Variants in PTPN11 observed in about 807,000 individuals in gnomAD.
PTPN11 encodes the protein protein tyrosine phosphatase non-receptor type 11, also known as tyrosine-protein phosphatase non-receptor type 11.
A neutral mutation model predicts 78.8 loss-of-function variants in PTPN11; 6 were observed. That is an observed-to-expected ratio of 0.08 (90% CI 0.04 to 0.15). PTPN11 has a LOEUF of 0.15. Ranked by LOEUF, PTPN11 falls within the 10% of genes least tolerant of loss-of-function variation. The probability of loss-of-function intolerance (pLI) is 1.00; values close to 1 mark genes in which losing one functional copy is unlikely to be tolerated. For synonymous variants in PTPN11, 221 were observed against 263.5 expected (o/e 0.84, Z 1.56); for missense variants, 386 against 744.8 (o/e 0.52, Z 5.61).
intron 6 of PTPN11, among the ~76,000 whole-genome samples, chr12:112,468,381 A>AG (rs2038362686): frequency 6.6e-6 from 1 of 152,300 alleles, no homozygotes; most frequent in South Asian, 2.1e-4. Flanking sequence ...GGTGCTGGGG[A>AG]GGAAGCGCCC....
chr12:112,499,980 A>G (rs1343133937), intron 13 of PTPN11, among the ~76,000 whole-genome samples: 1 of 150,868 alleles, frequency 6.6e-6, no homozygotes, highest in Non-Finnish European at 1.5e-5. Context: ...ACAGTGGCTC[A>G]GGCCTGTAAC....
chr12:112,469,724 G>C (rs2038383955), intron 6 of PTPN11, among the ~76,000 whole-genome samples: 1 of 152,004 alleles, frequency 6.6e-6, no homozygotes, highest in Non-Finnish European at 1.5e-5. Context: ...CATGTTGACT[G>C]GGCTGGTCTT....
rs574273211 is a variant in PTPN11 at position 112,504,256 on chromosome 12, C to T, written c.1713-439C>T. The stretch of plus-strand genomic sequence containing the variant: ...TGTCGCCCAGGCTGGAGTGCAGTGG[C>T]ACGATCTCTGCTCACTGCAACCTCC... On this transcript the variant is annotated intron_variant, in intron 14 of 15. Transcript: ENST00000351677. This position sits in a 1 kb window ranked among gnomAD's most constrained non-coding sequence, Gnocchi z 4.7. 4.3e-4 allele frequency among the ~76,000 whole-genome samples: 66 copies of T among 152,318 alleles called. No individual in the cohort carries two copies. The highest frequency in any genetic ancestry group is 1.4e-3 in the African/African-American group (58 of 41,572).
chr12:112,433,984 T>A (rs1471527128), intron 1 of PTPN11, among the ~76,000 whole-genome samples: 1 of 151,574 alleles, frequency 6.6e-6, no homozygotes, highest in Non-Finnish European at 1.5e-5. Context: ...AAACAAAACC[T>A]CCTGTAAAAT....
chr12:112,482,793 AAGG>A lies in PTPN11; in HGVS notation c.1224+592_1224+594del, dbSNP rs2038617029. On this transcript the variant is annotated intron_variant, in intron 10 of 15. Transcript: ENST00000351677. The surrounding 1 kb of genome is among the most constrained non-coding windows in gnomAD (Gnocchi z 4.4). ...GGGATTGTTTGGCTTTTGGAGGAGG[AAGG>A]AGGGATTCAAGACACATTGTAGAGG... 6.6e-6 allele frequency among the ~76,000 whole-genome samples: 1 copy of A among 152,028 alleles called. No homozygotes were observed. Among genetic ancestry groups the A allele is most frequent in the Admixed American group, 6.6e-5 (1 of 15,256 alleles).
chr12:112,429,827 A>G (rs1198017706), intron 1 of PTPN11, among the ~76,000 whole-genome samples: 1 of 151,600 alleles, frequency 6.6e-6, no homozygotes, highest in East Asian at 1.9e-4. Context: ...CAACAAAAAA[A>G]GAAATTTTTA....
In PTPN11 at chr12:112,424,956, TTGTGTGTGTG is replaced by T. The variant is rs34463047; in HGVS notation, c.14+5875_14+5884del. On this transcript the variant is annotated intron_variant, in intron 1 of 15. Coordinates refer to ENST00000351677, the MANE Select transcript of PTPN11 (RefSeq NM_002834.5). ...GGCACACACCACCATGTCAGGCTAATTGTGTGTGTGTGTGTGTGTGTGTGTGTGTGTGTGT... is the reference window on the plus strand; with the variant it reads ...GGCACACACCACCATGTCAGGCTAATTGTGTGTGTGTGTGTGTGTGTGTGT... Among the ~76,000 whole-genome samples, 657 of 88,982 alleles carry T rather than the reference TTGTGTGTGTG, an allele frequency of 7.4e-3. 5 individuals are homozygous for T. Among genetic ancestry groups the T allele is most frequent in the African/African-American group, 0.022 (512 of 23,474 alleles). The allele number at this position is 88,982 out of a possible 152,430, so 58.4% of individuals were successfully genotyped here.
At chr12:112,487,134 T>TC (rs200988112) in intron 11 of PTPN11, among the ~76,000 whole-genome samples, 3 of 143,954 alleles carry the variant, frequency 2.1e-5, no homozygotes, top group African/African-American at 5.2e-5. Context: ...TCTCTCTCTC[T>TC]TTTTTTTTTT....
chr12:112,446,921 A>C (rs1266444785), intron 2 of PTPN11, among the ~76,000 whole-genome samples: 16 of 151,942 alleles, frequency 1.1e-4, no homozygotes, highest in Admixed American at 1.1e-3. Flanking sequence ...GCTGGAGTGC[A>C]GTGGTACGAT....
At chr12:112,494,045 G>A (rs2038786152) in intron 13 of PTPN11, among the ~76,000 whole-genome samples, 1 of 152,144 alleles carries the variant, frequency 6.6e-6, no homozygotes, top group Non-Finnish European at 1.5e-5. Flanking sequence ...TTGAGGTCAG[G>A]AGTTCGAGAC....
intron 1 of PTPN11, among the ~76,000 whole-genome samples, chr12:112,432,225 A>G (rs1273640040): frequency 6.6e-6 from 1 of 152,130 alleles, no homozygotes. Flanking sequence ...AAAACAGGGG[A>G]TTTCACACTC....
In PTPN11 at chr12:112,489,019, C is replaced by T. The variant is rs554790621; in HGVS notation, c.1448-5C>T. On this transcript the variant is annotated splice_polypyrimidine_tract_variant and splice_region_variant and intron_variant, in intron 12 of 15. Transcript: ENST00000351677. ...TCTTTATTCTTCATGATGTTTCCTTCGTAGGTGTTGACTGCGATATTGACG... is the reference window on the plus strand; with the variant it reads ...TCTTTATTCTTCATGATGTTTCCTTTGTAGGTGTTGACTGCGATATTGACG... 1.7e-5 allele frequency: 27 copies of T among 1,613,136 alleles called. No homozygotes were observed. Among genetic ancestry groups the T allele is most frequent in the South Asian group, 9.9e-5 (9 of 91,034 alleles).
At chr12:112,419,165 G>A (rs2037475679) in intron 1 of PTPN11, 40 bp downstream of exon 1, 2 of 1,483,640 alleles carry the variant, frequency 1.3e-6, no homozygotes. Context: ...CCTCGGCCCG[G>A]CCACCGCCGC....
intron 13 of PTPN11, among the ~76,000 whole-genome samples, chr12:112,498,782 A>G (rs1341084935): frequency 6.6e-6 from 1 of 152,240 alleles, no homozygotes; most frequent in Non-Finnish European, 1.5e-5. Context: ...TTCCCTGAGC[A>G]TTTCTCTTGA....
chr12:112,499,911 T>C (rs563643299), intron 13 of PTPN11, among the ~76,000 whole-genome samples: 8 of 144,160 alleles, frequency 5.5e-5, no homozygotes, highest in South Asian at 2.2e-4. Context: ...CACTGCGCTC[T>C]AGTCTGGGTG....
chr12:112,429,407 A>G (rs2037674780), intron 1 of PTPN11, among the ~76,000 whole-genome samples: 1 of 149,732 alleles, frequency 6.7e-6, no homozygotes, highest in Non-Finnish European at 1.5e-5. Context: ...AAGACCACCT[A>G]CCTTATCTTC....
At chr12:112,419,206 C>T in intron 1 of PTPN11, 81 bp downstream of exon 1, 1 of 1,322,226 alleles carries the variant, frequency 7.6e-7, no homozygotes, top group Non-Finnish European at 9.7e-7. Context: ...AAGGGGGCGC[C>T]CCGGCCGGGC....
intron 9 of PTPN11, among the ~76,000 whole-genome samples, chr12:112,481,490 T>A (rs1461183074): frequency 6.6e-6 from 1 of 151,848 alleles, no homozygotes; most frequent in Non-Finnish European, 1.5e-5. Flanking sequence ...CTTTTCTTGT[T>A]TGAACTCTTC....
At chr12:112,433,825 G>C (rs767083501) in intron 1 of PTPN11, among the ~76,000 whole-genome samples, 13 of 152,172 alleles carry the variant, frequency 8.5e-5, no homozygotes, top group Non-Finnish European at 1.3e-4. Flanking sequence ...TTTGGTATTG[G>C]ACACCTTCAT....
Sources: allele counts gnomAD v4.1 joint callset (sites outside exome capture counted in the v4.1 genomes callset), GRCh38; gene constraint gnomAD v4.1.1; non-coding constraint Gnocchi (gnomAD v3.1); transcripts MANE v1.5; gene names NCBI Gene and HGNC (gene_info 2026-07-23, HGNC 2026-07-21).